Variants in ABCA8 observed in about 807,000 individuals in gnomAD.
ABCA8 encodes the protein ABC-type organic anion transporter ABCA8.
ABCA8 carries 177 observed loss-of-function variants against 192.3 expected under a neutral mutation model. That is an observed-to-expected ratio of 0.92 (90% confidence interval 0.81 to 1.04). The LOEUF (loss-of-function observed/expected upper bound fraction) is 1.04. ABCA8 is among the 50% of genes least tolerant of loss of function. The pLI is 0.00. For synonymous variants in ABCA8, 642 were observed against 690.2 expected, an observed-to-expected ratio of 0.93 and a Z score of 1.09; for missense variants, 1,915 against 1,904.8, an observed-to-expected ratio of 1.01 and a Z score of -0.10.
chr17:68,940,452 C>T (rs978400762), intron 4 of ABCA8, among the ~76,000 whole-genome samples: 1 of 152,076 alleles, frequency 6.6e-6, no homozygotes, highest in Non-Finnish European at 1.5e-5. Flanking sequence ...AACACTACTG[C>T]TCTAAATGTG....
At position 68,883,877 on chromosome 17, in the gene ABCA8, G is replaced by T. The variant is rs183997416; in HGVS notation, c.3621C>A (p.Phe1207Leu). The T allele has an allele frequency of 1.2e-4, 180 of 1,557,186 alleles. 2 individuals carry two copies. In the East Asian group the frequency reaches 3.5e-3, roughly 30 times the overall value. Residue 1207 changes from phenylalanine (F) to leucine (L), a missense_variant, in exon 29 of 40, where the codon TTC (phenylalanine) becomes TTA (leucine). Phe to Leu is a conservative substitution (Grantham distance 22). Coordinates refer to ENST00000586539, the MANE Select transcript of ABCA8 (RefSeq NM_001288985.2). ...VQPFLVFLIPFLHFIIFLFTL... is the reference protein window; with the variant it reads ...VQPFLVFLIPLLHFIIFLFTL... ...TAAAAAGAAAAATGATAAAATGAAGGAAAGGCTAGGAATAAAGAGAGATGC... is the reference window on the plus strand; with the variant it reads ...TAAAAAGAAAAATGATAAAATGAAGTAAAGGCTAGGAATAAAGAGAGATGC...
intron 26 of ABCA8, among the ~76,000 whole-genome samples, chr17:68,886,520 T>C (rs1393032510): frequency 6.6e-6 from 1 of 152,200 alleles, no homozygotes; most frequent in Non-Finnish European, 1.5e-5. Context: ...CCTTATCTGT[T>C]TTTCATGGAC....
chr17:68,873,461 A>G (rs2066117729), intron 37 of ABCA8, among the ~76,000 whole-genome samples: 1 of 152,196 alleles, frequency 6.6e-6, no homozygotes, highest in Non-Finnish European at 1.5e-5. Flanking sequence ...ACCCTTTGTC[A>G]TATATATAAT....
At chr17:68,899,768 C>T (rs907625673) in intron 21 of ABCA8, among the ~76,000 whole-genome samples, 2 of 151,988 alleles carry the variant, frequency 1.3e-5, no homozygotes, top group African/African-American at 4.8e-5. Flanking sequence ...TCTCTGACCA[C>T]AAGGGATGAA....
chr17:68,885,695 A>G (rs1489886282), intron 26 of ABCA8, among the ~76,000 whole-genome samples: 3 of 151,926 alleles, frequency 2.0e-5, no homozygotes, highest in African/African-American at 7.3e-5. Flanking sequence ...CTACAGGTGC[A>G]TGCCAACATG....
intron 26 of ABCA8, among the ~76,000 whole-genome samples, chr17:68,885,579 G>C (rs1326555587): frequency 2.7e-5 from 4 of 150,872 alleles, no homozygotes; most frequent in Non-Finnish European, 5.9e-5. Flanking sequence ...ATGGAGTCTT[G>C]CTCTGTTGCC....
chr17:68,882,691 G>T lies in ABCA8; in HGVS notation c.3736C>A (p.Gln1246Lys), dbSNP rs765124693. The change falls in exon 30 of 40, where the codon CAA becomes AAA. Residue 1246 changes from glutamine (Q) to lysine (K), a missense_variant. Coordinates refer to ENST00000586539, the MANE Select transcript of ABCA8 (RefSeq NM_001288985.2). ...TCTCCTTCTGGTTCTTCTGGATTTT[G>T]ACACACATCACTACTTCTTGGAGAA... ...RISPRSSDVC[Q>K]NPEEPEGEDE... 4 of 1,612,488 alleles carry T rather than the reference G, an allele frequency of 2.5e-6. No homozygotes were observed. The highest frequency in any genetic ancestry group is 4.5e-5 in the East Asian group (2 of 44,806).
intron 23 of ABCA8, among the ~76,000 whole-genome samples, chr17:68,893,294 A>G (rs898637677): frequency 6.6e-6 from 1 of 152,224 alleles, no homozygotes; most frequent in Non-Finnish European, 1.5e-5. Context: ...TTAAAAAGGA[A>G]TCATTACAAA....
At chr17:68,899,756 G>C (rs1444667187) in intron 21 of ABCA8, among the ~76,000 whole-genome samples, 4 of 152,072 alleles carry the variant, frequency 2.6e-5, no homozygotes, top group Admixed American at 2.0e-4. Flanking sequence ...TATAAACTAT[G>C]ATCTCTGACC....
chr17:68,939,923 C>T (rs541279174), intron 4 of ABCA8, among the ~76,000 whole-genome samples: 25 of 152,050 alleles, frequency 1.6e-4, no homozygotes, highest in African/African-American at 5.3e-4. Flanking sequence ...TCTTATTTTG[C>T]GTTTGCTAAT....
At chr17:68,929,985 G>A (rs1204691039) in intron 7 of ABCA8, among the ~76,000 whole-genome samples, 3 of 148,390 alleles carry the variant, frequency 2.0e-5, no homozygotes, top group Non-Finnish European at 4.5e-5. Context: ...GGGTGGGGGC[G>A]GTGGGGGGGG....
At chr17:68,870,879 C>T (rs189231837) in intron 37 of ABCA8, among the ~76,000 whole-genome samples, 10 of 152,210 alleles carry the variant, frequency 6.6e-5, no homozygotes, top group East Asian at 1.9e-4. Context: ...ATTGCTAGGA[C>T]GTAAGATAGT....
rs981549867 is a variant in ABCA8, at chr17:68,875,747, A to G, written c.4371-14T>C. ...CGGATGGCCTGCCTATAATGTCAAG[A>G]GATTATTTGCAATTTAGGAAATCCT... is the stretch of plus-strand genomic sequence containing the variant. On this transcript the variant is annotated splice_polypyrimidine_tract_variant and intron_variant, in intron 35 of 39. Transcript: ENST00000586539. The G allele has an allele frequency of 1.2e-6, 2 of 1,602,422 alleles. No homozygotes were observed. Among genetic ancestry groups the G allele is most frequent in the Non-Finnish European group, 1.7e-6 (2 of 1,175,900 alleles).
At chr17:68,950,485 A>T (rs2068540035) in intron 1 of ABCA8, among the ~76,000 whole-genome samples, 1 of 152,130 alleles carries the variant, frequency 6.6e-6, no homozygotes, top group African/African-American at 2.4e-5. Flanking sequence ...TATAACTAAA[A>T]ATACTTTTGA....
rs376296687 is a variant in ABCA8, at chr17:68,894,889, A to G, written c.2889T>C (p.Cys963=). ...PSYNGAITVC[C]NEKNYSFSLA... Reference sequence around the variant, plus strand: ...TTAGAGACCTGCATACCTTTTCATTACAACACACTGTGATGGCTCCATTAT... The same window carrying G: ...TTAGAGACCTGCATACCTTTTCATTGCAACACACTGTGATGGCTCCATTAT... Residue 963 remains cysteine, a synonymous_variant, in exon 22 of 40, where the codon TGT becomes TGC. Transcript: ENST00000586539. The G allele has an allele frequency of 2.6e-5, 42 of 1,612,574 alleles. No individual in the cohort carries two copies. Among genetic ancestry groups the G allele is most frequent in the Non-Finnish European group, 1.7e-6 (2 of 1,179,488 alleles).
intron 4 of ABCA8, 73 bp downstream of exon 4, chr17:68,940,685 A>AAT: frequency 7.5e-7 from 1 of 1,335,624 alleles, no homozygotes; most frequent in Non-Finnish European, 1.1e-6. Flanking sequence ...ATACAAATTA[A>AAT]ATGTATAAAT....
intron 1 of ABCA8, among the ~76,000 whole-genome samples, chr17:68,953,112 C>T (rs546621394): frequency 1.7e-4 from 26 of 152,240 alleles, no homozygotes; most frequent in African/African-American, 5.1e-4. Flanking sequence ...ATGGTCTTTG[C>T]CGTGGGAGAA....
At chr17:68,903,627 T>C in intron 19 of ABCA8, 128 bp from the exon 20 acceptor site, 1 of 736,784 alleles carries the variant, frequency 1.4e-6, no homozygotes, top group Non-Finnish European at 2.2e-6. Flanking sequence ...TGCTGGTTAC[T>C]GCCTTAAAAT....
intron 31 of ABCA8, 128 bp downstream of exon 31, chr17:68,881,735 G>T (rs1033196644): frequency 5.8e-6 from 4 of 694,824 alleles, no homozygotes; most frequent in African/African-American, 5.4e-5. Flanking sequence ...TACAAAGGAA[G>T]CTGTCATTGT....
Sources: allele counts gnomAD v4.1 joint callset (sites outside exome capture counted in the v4.1 genomes callset), GRCh38; gene constraint gnomAD v4.1.1; transcripts MANE v1.5; gene names NCBI Gene and HGNC (gene_info 2026-07-23, HGNC 2026-07-21).